Variants in EML1 observed in about 807,000 individuals in gnomAD.
EML1 encodes EMAP like 1, also known as echinoderm microtubule-associated protein-like 1.
A neutral mutation model predicts 110.4 loss-of-function variants in EML1; 27 were observed. That is an observed-to-expected ratio of 0.24 (90% CI 0.18 to 0.34). EML1 has a LOEUF of 0.34. Among genes scored for constraint, EML1 ranks in the 10% least tolerant of loss-of-function variants. The probability of loss-of-function intolerance (pLI) is 1.00; values close to 1 mark genes in which losing one functional copy is unlikely to be tolerated. For missense variants in EML1, 741 were observed against 1,030.9 expected, an observed-to-expected ratio of 0.72 and a Z score of 3.85; for synonymous variants, 344 against 385.8, an observed-to-expected ratio of 0.89 and a Z score of 1.27.
intron 4 of EML1, among the ~76,000 whole-genome samples, chr14:99,882,622 C>T (rs1205724329): frequency 1.8e-5 from 2 of 108,324 alleles, no homozygotes; most frequent in African/African-American, 8.4e-5. Context: ...ACACAAAATA[C>T]ACGAACAATA....
intron 3 of EML1, among the ~76,000 whole-genome samples, chr14:99,866,068 C>CT (rs1301892150): frequency 2.0e-5 from 3 of 152,130 alleles, no homozygotes; most frequent in African/African-American, 4.8e-5. Context: ...ACAATGGAGT[C>CT]TAAATATTGA....
At chr14:99,920,978 C>T (rs1325578648) in intron 17 of EML1, 101 bp downstream of exon 17, 4 of 1,096,158 alleles carry the variant, frequency 3.6e-6, no homozygotes, top group East Asian at 2.4e-5. Flanking sequence ...CATAGGTAAA[C>T]GTGTGCCATG....
chr14:99,907,944 G>A (rs1360792363), intron 10 of EML1, among the ~76,000 whole-genome samples: 1 of 152,238 alleles, frequency 6.6e-6, no homozygotes, highest in African/African-American at 2.4e-5. Context: ...CGCCATGTCT[G>A]TAAGATTGTT....
At chr14:99,824,371 G>A (rs1403123457) in intron 1 of EML1, among the ~76,000 whole-genome samples, 1 of 151,976 alleles carries the variant, frequency 6.6e-6, no homozygotes, top group Admixed American at 6.6e-5. Context: ...TTTTATTAGG[G>A]AAATGTAAAT....
chr14:99,897,456 GCAGAACA>G (rs1356314435), intron 7 of EML1, among the ~76,000 whole-genome samples, 162 bp downstream of exon 7: 1 of 152,172 alleles, frequency 6.6e-6, no homozygotes, highest in East Asian at 1.9e-4. Context: ...AATAGCATTA[GCAGAACA>G]CGGTCAGTAT....
chr14:99,876,389 C>T (rs535305832), intron 3 of EML1, among the ~76,000 whole-genome samples: 2 of 152,318 alleles, frequency 1.3e-5, no homozygotes, highest in South Asian at 2.1e-4. Context: ...TGAGACTCCC[C>T]ACTTCCCAGG....
Position 99,877,617 on chromosome 14 carries a change from G to A in EML1, c.384-868G>A, listed in dbSNP as rs565926837. Among the ~76,000 whole-genome samples, 8 of 152,276 alleles carry A rather than the reference G, an allele frequency of 5.3e-5. No individual in the cohort carries two copies. The South Asian group carries it at 6.2e-4, about 12-fold the overall frequency. On this transcript the variant is annotated intron_variant, in intron 3 of 21. Coordinates refer to ENST00000262233, the MANE Select transcript of EML1 (RefSeq NM_004434.3). ...TCTTGTCCTATGAATGAAGTTGGCCGCTTAACATGGACACCACCTCCAAAC... is the reference window on the plus strand; with the variant it reads ...TCTTGTCCTATGAATGAAGTTGGCCACTTAACATGGACACCACCTCCAAAC...
intron 1 of EML1, among the ~76,000 whole-genome samples, chr14:99,780,361 T>C (rs1031644836): frequency 7.9e-5 from 12 of 152,080 alleles, no homozygotes; most frequent in Non-Finnish European, 1.3e-4. Flanking sequence ...CCTTTGGGGG[T>C]TCTCTGTGGG....
chr14:99,766,714 C>A (rs2140195352), intron 1 of EML1, among the ~76,000 whole-genome samples: 1 of 152,326 alleles, frequency 6.6e-6, no homozygotes, highest in South Asian at 2.1e-4. Flanking sequence ...CCGCCCAAAT[C>A]AACATCAATA....
chr14:99,878,380 A>G (rs1053110409), intron 3 of EML1, 105 bp from the exon 4 acceptor site: 3 of 1,474,374 alleles, frequency 2.0e-6, no homozygotes, highest in Middle Eastern at 1.9e-4. Context: ...TGTCTTTTGA[A>G]TATCCATGTG....
intron 17 of EML1, among the ~76,000 whole-genome samples, chr14:99,930,346 C>T (rs537164227): frequency 7.5e-4 from 114 of 152,320 alleles, no homozygotes; most frequent in African/African-American, 2.3e-3. Context: ...TTCAGAAAGT[C>T]AGCACTGGAA....
chr14:99,847,907 T>A (rs1309521272), intron 1 of EML1, among the ~76,000 whole-genome samples: 1 of 152,158 alleles, frequency 6.6e-6, no homozygotes, highest in Non-Finnish European at 1.5e-5. Context: ...AAAGTGTATC[T>A]CTTGTAGACA....
At chr14:99,828,750 C>A (rs1035092640) in intron 1 of EML1, among the ~76,000 whole-genome samples, 3 of 152,180 alleles carry the variant, frequency 2.0e-5, no homozygotes, top group Non-Finnish European at 4.4e-5. Context: ...TTGATAAACA[C>A]ATATTTTGTA....
intron 4 of EML1, among the ~76,000 whole-genome samples, chr14:99,882,486 AATAAGG>A (rs2059401670): frequency 6.6e-6 from 1 of 152,184 alleles, no homozygotes; most frequent in Non-Finnish European, 1.5e-5. Context: ...ATTTTGTTAG[AATAAGG>A]ATGTTTCAGT....
At chr14:99,842,048 G>T (rs1002636051) in intron 1 of EML1, among the ~76,000 whole-genome samples, 4 of 152,162 alleles carry the variant, frequency 2.6e-5, no homozygotes, top group Non-Finnish European at 5.9e-5. Flanking sequence ...GGGAAAAAAA[G>T]CTAAAGCTCA....
intron 1 of EML1, among the ~76,000 whole-genome samples, chr14:99,801,342 A>G (rs540531679): frequency 2.3e-4 from 35 of 152,298 alleles, no homozygotes; most frequent in African/African-American, 7.7e-4. Context: ...TTGGCCGGGC[A>G]CGGTGGCTCA....
intron 1 of EML1, among the ~76,000 whole-genome samples, chr14:99,761,501 A>G (rs2057313450): frequency 6.6e-6 from 1 of 152,164 alleles, no homozygotes; most frequent in South Asian, 2.1e-4. Context: ...AAAGTTGCCC[A>G]GGATTGGGGC....
At chr14:99,903,893 C>T (rs1025927571) in intron 9 of EML1, among the ~76,000 whole-genome samples, 1 of 151,668 alleles carries the variant, frequency 6.6e-6, no homozygotes, top group African/African-American at 2.4e-5. Context: ...AAGCAATTCT[C>T]CCACCTCACC....
intron 1 of EML1, among the ~76,000 whole-genome samples, chr14:99,759,392 G>A (rs2140184723): frequency 6.6e-6 from 1 of 152,346 alleles, no homozygotes; most frequent in South Asian, 2.1e-4. Context: ...TTGTCCAGCT[G>A]CACTCACCAT....
Sources: gnomAD v4.1 joint callset for allele counts (sites outside exome capture counted in the v4.1 genomes callset) on GRCh38, gnomAD v4.1.1 for gene constraint, MANE v1.5 for transcripts, NCBI Gene and HGNC (gene_info 2026-07-23, HGNC 2026-07-21) for gene names.